Variants in PPP2R2B observed in about 807,000 individuals in gnomAD.
PPP2R2B encodes the protein protein phosphatase 2 regulatory subunit Bbeta.
Under a neutral mutation model 46.0 loss-of-function variants are expected in PPP2R2B, and 5 were observed. The observed-to-expected ratio is 0.11, with a 90% CI of 0.06 to 0.23. The LOEUF (loss-of-function observed/expected upper bound fraction) is 0.23. Ranked by LOEUF, PPP2R2B falls within the 10% of genes least tolerant of loss-of-function variation. The probability of loss-of-function intolerance (pLI) is 1.00; values close to 1 mark genes in which losing one functional copy is unlikely to be tolerated. For synonymous variants in PPP2R2B, 215 were observed against 206.7 expected, an observed-to-expected ratio of 1.04 and a Z score of -0.34; for missense variants, 367 against 575.0, an observed-to-expected ratio of 0.64 and a Z score of 3.70.
chr5:146,599,597 T>C (rs1771577036), intron 8 of PPP2R2B, among the ~76,000 whole-genome samples: 1 of 152,202 alleles, frequency 6.6e-6, no homozygotes, highest in Admixed American at 6.5e-5. Flanking sequence ...ATTCAAGGTG[T>C]AAGCACCCTG....
chr5:146,604,934 C>CA (rs1306036041), intron 7 of PPP2R2B, among the ~76,000 whole-genome samples: 1 of 152,148 alleles, frequency 6.6e-6, no homozygotes, highest in East Asian at 1.9e-4. Flanking sequence ...TGTATAGTCC[C>CA]ACTTTGGTGC....
At chr5:146,968,480 T>C (rs1182038508) in intron 1 of PPP2R2B, among the ~76,000 whole-genome samples, 1 of 152,214 alleles carries the variant, frequency 6.6e-6, no homozygotes, top group African/African-American at 2.4e-5. Flanking sequence ...ACATGAATGC[T>C]GGTTGCATTT....
chr5:147,010,534 C>T (rs1754672098), intron 1 of PPP2R2B, among the ~76,000 whole-genome samples: 1 of 152,124 alleles, frequency 6.6e-6, no homozygotes, highest in Non-Finnish European at 1.5e-5. Context: ...AAGGTGTGTG[C>T]AACCTAAATC....
intron 2 of PPP2R2B, among the ~76,000 whole-genome samples, chr5:146,871,249 C>T (rs1229339485): frequency 6.6e-6 from 1 of 152,200 alleles, no homozygotes; most frequent in Non-Finnish European, 1.5e-5. Context: ...TATTTATGTG[C>T]AAAAGAACAT....
chr5:146,822,755 A>G lies in PPP2R2B; in HGVS notation c.70+55247T>C, dbSNP rs368445996. Among the ~76,000 whole-genome samples the G allele has an allele frequency of 8.5e-5, 13 of 152,198 alleles. 2 individuals are homozygous for G. Among genetic ancestry groups the G allele is most frequent in the Admixed American group, 7.9e-4 (12 of 15,278 alleles). On this transcript the variant is annotated intron_variant, in intron 2 of 9. Transcript: ENST00000394411. ...TCTTGCTCACTTCTTTATGACCAAC[A>G]CATGAAACAGTGATTGATACATAGT...
intron 1 of PPP2R2B, among the ~76,000 whole-genome samples, chr5:146,926,017 CTATT>C (rs1561522716): frequency 6.6e-6 from 1 of 152,002 alleles, no homozygotes; most frequent in Non-Finnish European, 1.5e-5. Context: ...TATTAAGAAT[CTATT>C]TGTTGATCTC....
intron 2 of PPP2R2B, among the ~76,000 whole-genome samples, chr5:147,075,018 T>C (rs1757720804): frequency 6.6e-6 from 1 of 152,148 alleles, no homozygotes; most frequent in Non-Finnish European, 1.5e-5. Flanking sequence ...CACCCTAGAA[T>C]TGCAGTATCA....
rs533305435 is a variant in PPP2R2B at position 146,907,354 on chromosome 5, C to A, written c.79+148311G>T. Among the ~76,000 whole-genome samples the A allele has an allele frequency of 8.5e-5, 13 of 152,280 alleles. No individual in the cohort carries two copies. In the South Asian group the frequency reaches 2.7e-3, roughly 32 times the overall value. ...GAAGCTCAGCTCAAGCAGCTCTTCT[C>A]CCAGAGCTTCTTCAGGACATTGGTT... On this transcript the variant is annotated intron_variant, in intron 1 of 8. Coordinates refer to the PPP2R2B transcript ENST00000336640.
At chr5:147,056,024 T>C (rs1757071033), upstream of PPP2R2B, 1 of 1,246,932 alleles carries the variant, frequency 8.0e-7, no homozygotes, top group African/African-American at 1.5e-5. Flanking sequence ...TGAACAGGAT[T>C]TGCTGAGTAA....
At chr5:146,661,232 A>G (rs533127809) in intron 5 of PPP2R2B, among the ~76,000 whole-genome samples, 27 of 152,236 alleles carry the variant, frequency 1.8e-4, no homozygotes, top group African/African-American at 6.0e-4. Flanking sequence ...TTGATGAACA[A>G]GGTAGCTCCT....
chr5:147,020,567 AG>A (rs1182144365), intron 1 of PPP2R2B, among the ~76,000 whole-genome samples: 2 of 152,132 alleles, frequency 1.3e-5, no homozygotes, highest in African/African-American at 4.8e-5. Context: ...GGAGACCAGG[AG>A]GGGTGGAGAA....
chr5:147,024,177 A>ATCTG (rs1422862825), intron 1 of PPP2R2B, among the ~76,000 whole-genome samples: 1 of 151,910 alleles, frequency 6.6e-6, no homozygotes, highest in Non-Finnish European at 1.5e-5. Flanking sequence ...CTATCTATCT[A>ATCTG]TCTATCTATC....
chr5:146,629,573 A>G (rs1774285094), intron 7 of PPP2R2B, among the ~76,000 whole-genome samples: 1 of 151,906 alleles, frequency 6.6e-6, no homozygotes, highest in Admixed American at 6.6e-5. Flanking sequence ...CATAAACAGT[A>G]TTCACTTCCT....
chr5:146,890,716 T>G (rs1262247186), intron 1 of PPP2R2B, among the ~76,000 whole-genome samples: 2 of 152,156 alleles, frequency 1.3e-5, no homozygotes, highest in Non-Finnish European at 2.9e-5. Context: ...ATAGAGACCT[T>G]TGCAATTTCC....
chr5:146,871,926 G>A (rs1035894632), intron 2 of PPP2R2B, among the ~76,000 whole-genome samples: 1 of 152,176 alleles, frequency 6.6e-6, no homozygotes, highest in Non-Finnish European at 1.5e-5. Flanking sequence ...TGTTGATGGA[G>A]ATTAAATGAG....
upstream of PPP2R2B, among the ~76,000 whole-genome samples, chr5:147,057,038 A>G (rs1444970285): frequency 6.6e-6 from 1 of 152,238 alleles, no homozygotes; most frequent in African/African-American, 2.4e-5. Flanking sequence ...CTGATGGAAT[A>G]ATTTTTAAGC....
At chr5:146,781,130 T>TGA (rs1755484948) in intron 2 of PPP2R2B, among the ~76,000 whole-genome samples, 1 of 30,014 alleles carries the variant, frequency 3.3e-5, no homozygotes, top group Non-Finnish European at 7.0e-5. Flanking sequence ...AATGCCACCA[T>TGA]GATATATATA....
chr5:147,021,009 G>A (rs1755236037), intron 1 of PPP2R2B, among the ~76,000 whole-genome samples: 1 of 152,190 alleles, frequency 6.6e-6, no homozygotes, highest in Non-Finnish European at 1.5e-5. Context: ...CACAGAATTG[G>A]TAGTGTATGT....
chr5:146,914,228 C>T (rs1763293332), intron 1 of PPP2R2B: 1 of 152,128 alleles, frequency 6.6e-6, no homozygotes, highest in South Asian at 2.1e-4. Flanking sequence ...GATTTATTGC[C>T]ATACATTTTC....
Sources: allele counts gnomAD v4.1 joint callset (sites outside exome capture counted in the v4.1 genomes callset), GRCh38; gene constraint gnomAD v4.1.1; transcripts MANE v1.5; gene names NCBI Gene and HGNC (gene_info 2026-07-23, HGNC 2026-07-21).